DACH2: variants seen among roughly 807,000 people sequenced by gnomAD.
DACH2 encodes dachshund family transcription factor 2.
In DACH2, 17 loss-of-function variants were observed where a neutral mutation model predicts 35.8. The observed-to-expected ratio is 0.48, with a 90% CI of 0.33 to 0.71. The LOEUF is 0.71. DACH2 is among the 30% of genes least tolerant of loss of function. The pLI, the probability that DACH2 is intolerant of heterozygous loss-of-function variation, is 0.02. For missense variants in DACH2, 469 were observed against 472.7 expected, an observed-to-expected ratio of 0.99 and a Z score of 0.07; for synonymous variants, 195 against 177.3, an observed-to-expected ratio of 1.10 and a Z score of -0.79.
intron 1 of DACH2, among the ~76,000 whole-genome samples, chrX:86,192,889 T>C (rs1221118628): frequency 8.9e-6 from 1 of 112,347 alleles, no homozygotes; most frequent in African/African-American, 3.2e-5. Context: ...AGGTTTTTTG[T>C]TTAAAGTAAG....
chrX:86,763,610 C>T (rs747413860), intron 7 of DACH2, among the ~76,000 whole-genome samples: 4 of 111,166 alleles, frequency 3.6e-5, no homozygotes, highest in African/African-American at 6.5e-5. Flanking sequence ...CCCGCCACCA[C>T]GCCCGGCTGT....
In DACH2 at chrX:86,161,523, T is replaced by G. The variant is rs147562533; in HGVS notation, c.488+12415T>G. On this transcript the variant is annotated intron_variant, in intron 1 of 11. Coordinates refer to ENST00000373125, the MANE Select transcript of DACH2 (RefSeq NM_053281.3). ...CACCAGAGGAATTATAGCTTTGGAT[T>G]AGAATGCATTGATGAGTATAACTCT... 2.8e-4 allele frequency among the ~76,000 whole-genome samples: 32 copies of G among 112,530 alleles called. No individual in the cohort carries two copies. In the East Asian group the frequency reaches 8.4e-3, roughly 29 times the overall value.
intron 1 of DACH2, among the ~76,000 whole-genome samples, chrX:86,342,231 G>A (rs140949033): frequency 0.014 from 1,610 of 111,310 alleles, 22 homozygotes; most frequent in African/African-American, 0.05. Flanking sequence ...AGTCATGATG[G>A]CTCATGTCTG....
chrX:86,584,463 A>C (rs1049440062), intron 3 of DACH2, among the ~76,000 whole-genome samples: 2 of 110,478 alleles, frequency 1.8e-5, no homozygotes, highest in Admixed American at 9.8e-5. Context: ...TGTTCTGCTT[A>C]TTCTCTTAAT....
chrX:86,319,015 T>A (rs995123606), intron 1 of DACH2, among the ~76,000 whole-genome samples: 2 of 112,314 alleles, frequency 1.8e-5, no homozygotes, highest in African/African-American at 3.2e-5. Flanking sequence ...CCTAATTTTT[T>A]AATGAAACCT....
chrX:86,604,540 A>G (rs1363223662), intron 3 of DACH2, among the ~76,000 whole-genome samples: 1 of 112,068 alleles, frequency 8.9e-6, no homozygotes, highest in Non-Finnish European at 1.9e-5. Context: ...ATTAGAAGAC[A>G]TGTATTTTAT....
At chrX:86,497,551 G>A (rs913372706) in intron 2 of DACH2, among the ~76,000 whole-genome samples, 19 of 111,482 alleles carry the variant, frequency 1.7e-4, no homozygotes, top group Non-Finnish European at 3.4e-4. Flanking sequence ...AACATGGCAG[G>A]AGGCTAGGGT....
chrX:86,437,217 C>T (rs2037081908), intron 2 of DACH2, among the ~76,000 whole-genome samples: 1 of 111,254 alleles, frequency 9.0e-6, no homozygotes, highest in Non-Finnish European at 1.9e-5. Flanking sequence ...TTGTTACATG[C>T]ATAGAAGGTG....
rs181761538 is a variant in DACH2 at position 86,282,190 on chromosome X, G to A, written c.489-94634G>A. On this transcript the variant is annotated intron_variant, in intron 1 of 11. Transcript: ENST00000373125. Reference sequence around the variant, plus strand: ...GGAACCAAAAAAAAGAGCTCATATAGCCAAGACAATCCTAAGCCAAAAGAA... The same window carrying A: ...GGAACCAAAAAAAAGAGCTCATATAACCAAGACAATCCTAAGCCAAAAGAA... 5.7e-3 allele frequency among the ~76,000 whole-genome samples: 629 copies of A among 111,291 alleles called. 7 individuals carry two copies. Among genetic ancestry groups the A allele is most frequent in the African/African-American group, 0.019 (594 of 30,564 alleles).
In DACH2 at chrX:86,359,086, TG is replaced by T. The variant is rs1479050680; in HGVS notation, c.489-17737del. On this transcript the variant is annotated intron_variant, in intron 1 of 11. Transcript: ENST00000373125. ...GAAATAGAACCATTATATTTTGTCGTGTGTGTGTGTGTGTGTGTGTGTGTGT... is the reference window on the plus strand; with the variant it reads ...GAAATAGAACCATTATATTTTGTCGTTGTGTGTGTGTGTGTGTGTGTGTGT... 8.6e-5 allele frequency among the ~76,000 whole-genome samples: 9 copies of T among 104,389 alleles called. No homozygotes were observed. In the East Asian group the frequency reaches 1.4e-3, roughly 16 times the overall value. 90.6% of individuals were successfully genotyped at this position (104,389 alleles called of 115,157 possible).
intron 2 of DACH2, among the ~76,000 whole-genome samples, chrX:86,488,767 A>T (rs925564210): frequency 8.9e-6 from 1 of 111,766 alleles, no homozygotes; most frequent in East Asian, 2.8e-4. Context: ...CTTTAGAAGT[A>T]TTTAACAGGG....
chrX:86,494,794 G>T (rs1461089565), intron 2 of DACH2, among the ~76,000 whole-genome samples: 1 of 111,890 alleles, frequency 8.9e-6, no homozygotes, highest in Admixed American at 9.5e-5. Context: ...ATTATCAATT[G>T]CAATAATGCA....
chrX:86,245,685 A>C (rs2033266320), intron 1 of DACH2, among the ~76,000 whole-genome samples: 1 of 111,737 alleles, frequency 8.9e-6, no homozygotes, highest in Non-Finnish European at 1.9e-5. Flanking sequence ...CCCATCCAAA[A>C]AACAGCAACA....
At chrX:86,274,377 C>T (rs185623636) in intron 1 of DACH2, among the ~76,000 whole-genome samples, 364 of 108,585 alleles carry the variant, frequency 3.4e-3, no homozygotes, top group Non-Finnish European at 5.1e-3. Context: ...GATTTAGGGG[C>T]ATCATTTCTT....
chrX:86,698,521 GTTTTT>G (rs767152609), intron 5 of DACH2, among the ~76,000 whole-genome samples: 45 of 32,953 alleles, frequency 1.4e-3, no homozygotes, highest in Non-Finnish European at 1.9e-3. Flanking sequence ...TTAGTTTTGT[GTTTTT>G]TTTTTTTTTT....
chrX:86,411,972 A>G (rs757973862), intron 2 of DACH2, among the ~76,000 whole-genome samples: 7 of 111,492 alleles, frequency 6.3e-5, no homozygotes, highest in Non-Finnish European at 9.4e-5. Flanking sequence ...ATGACAGGGC[A>G]TGGTAATACC....
chrX:86,505,481 TG>T (rs1262579695), intron 2 of DACH2, among the ~76,000 whole-genome samples: 1 of 111,891 alleles, frequency 8.9e-6, no homozygotes, highest in Non-Finnish European at 1.9e-5. Flanking sequence ...TCTTACTTTT[TG>T]TTTCCATGAA....
intron 7 of DACH2, among the ~76,000 whole-genome samples, chrX:86,747,450 T>A (rs180972647): frequency 8.5e-4 from 94 of 111,140 alleles, no homozygotes; most frequent in Non-Finnish European, 4.9e-4. Context: ...AGAGATATCA[T>A]GTATTTGGTT....
At chrX:86,383,671 T>C (rs1219354878) in intron 2 of DACH2, among the ~76,000 whole-genome samples, 2 of 105,524 alleles carry the variant, frequency 1.9e-5, no homozygotes, top group African/African-American at 6.9e-5. Flanking sequence ...GAGCAAGTCA[T>C]TTACATGCTG....
Sources: gnomAD v4.1 joint callset for allele counts (sites outside exome capture counted in the v4.1 genomes callset) on GRCh38, gnomAD v4.1.1 for gene constraint, MANE v1.5 for transcripts, NCBI Gene and HGNC (gene_info 2026-07-23, HGNC 2026-07-21) for gene names.